Variants in SNX29 observed in about 807,000 individuals in gnomAD.
The protein encoded by SNX29 is sorting nexin 29, also known as sorting nexin-29.
A neutral mutation model predicts 102.1 loss-of-function variants in SNX29; 78 were observed. That is an observed-to-expected ratio of 0.76 (90% CI 0.64 to 0.92). SNX29 has a LOEUF of 0.92. Among genes scored for constraint, SNX29 ranks in the 40% least tolerant of loss-of-function variants. SNX29 has a pLI of 0.00. For synonymous variants in SNX29, 580 were observed against 414.5 expected (o/e 1.40, Z -4.85); for missense variants, 1,280 against 1,061.7 (o/e 1.21, Z -2.86).
At position 12,571,560 on chromosome 16, in the gene SNX29, G is replaced by A. The variant is rs147496154; in HGVS notation, c.*2931G>A. 1,985 of 1,012,652 alleles carry A rather than the reference G, an allele frequency of 2.0e-3. 28 individuals are homozygous for A. In the African/African-American group the frequency reaches 0.03, roughly 15 times the overall value. 62.7% of individuals were successfully genotyped at this position (1,012,652 alleles called of 1,614,324 possible). On this transcript the variant is annotated 3_prime_UTR_variant, in exon 21 of 21. Coordinates refer to ENST00000566228, the MANE Select transcript of SNX29 (RefSeq NM_032167.5). Reference sequence around the variant, plus strand: ...TTTGCTGGGAGGAAGAATCCACACCGAATCCTTCTGTCTTCATGGCCTGCT... The same window carrying A: ...TTTGCTGGGAGGAAGAATCCACACCAAATCCTTCTGTCTTCATGGCCTGCT...
At chr16:12,415,042 C>A (rs1352358208) in intron 18 of SNX29, among the ~76,000 whole-genome samples, 1 of 152,208 alleles carries the variant, frequency 6.6e-6, no homozygotes, top group Non-Finnish European at 1.5e-5. Context: ...TTTAAAGAGA[C>A]TCCTTTGAGA....
intron 13 of SNX29, among the ~76,000 whole-genome samples, chr16:12,186,026 G>A (rs955841218): frequency 2.6e-5 from 4 of 152,176 alleles, no homozygotes; most frequent in African/African-American, 7.2e-5. Flanking sequence ...AGTAATAATA[G>A]TAGGTGGGTC....
rs776489524 is a variant in SNX29, at chr16:12,253,651, AGAG to A, written c.1679-24277_1679-24275del. On this transcript the variant is annotated intron_variant, in intron 14 of 20. Transcript: ENST00000566228. Reference sequence around the variant, plus strand: ...GAACACCAAGGAGGCAGCAAGGCAGAGAGGAGGCGGAGAAGCCACAGAGGCTTC... The same window carrying A: ...GAACACCAAGGAGGCAGCAAGGCAGAGAGGCGGAGAAGCCACAGAGGCTTC... Among the ~76,000 whole-genome samples, 448 of 152,270 alleles carry A rather than the reference AGAG, an allele frequency of 2.9e-3. 3 individuals are homozygous for A. The highest frequency in any genetic ancestry group is 4.3e-3 in the Non-Finnish European group (291 of 68,012).
chr16:12,503,587 C>G (rs968124563), intron 19 of SNX29, among the ~76,000 whole-genome samples: 2 of 152,186 alleles, frequency 1.3e-5, no homozygotes, highest in African/African-American at 4.8e-5. Context: ...AATTTGATTT[C>G]TGTGATTGAA....
intron 16 of SNX29, among the ~76,000 whole-genome samples, chr16:12,373,497 G>C (rs556317359): frequency 3.9e-5 from 6 of 152,274 alleles, no homozygotes; most frequent in Admixed American, 3.9e-4. Flanking sequence ...GTTTTAAACA[G>C]TAAATGCCTC....
chr16:12,088,565 G>A (rs1226790056), intron 11 of SNX29, among the ~76,000 whole-genome samples: 1 of 152,200 alleles, frequency 6.6e-6, no homozygotes, highest in Non-Finnish European at 1.5e-5. Context: ...TGACAGGAGT[G>A]CTTTTCTTTT....
At chr16:12,559,793 C>T (rs7201769) in intron 20 of SNX29, among the ~76,000 whole-genome samples, 29,669 of 152,010 alleles carry the variant, frequency 0.2, 3,074 homozygotes, top group East Asian at 0.43. Context: ...CACCTTCGTC[C>T]TTACTATCTT....
chr16:12,022,671 T>G (rs111878676), intron 3 of SNX29, among the ~76,000 whole-genome samples: 22 of 152,194 alleles, frequency 1.4e-4, no homozygotes, highest in Admixed American at 2.0e-4. Context: ...TGTTTCTATA[T>G]CCAAATGTTC....
At chr16:12,376,153 G>T (rs1163754847) in intron 16 of SNX29, 1 of 152,290 alleles carries the variant, frequency 6.6e-6, no homozygotes, top group Non-Finnish European at 1.5e-5. Flanking sequence ...TACCCAGGAG[G>T]TGAGGACCAG....
At chr16:12,372,085 TG>T (rs1434841565) in intron 16 of SNX29, among the ~76,000 whole-genome samples, 1 of 152,266 alleles carries the variant, frequency 6.6e-6, no homozygotes, top group Non-Finnish European at 1.5e-5. Context: ...GTGAAGCGTT[TG>T]GTATATACCC....
intron 19 of SNX29, among the ~76,000 whole-genome samples, chr16:12,480,611 A>G (rs1284502455): frequency 6.6e-6 from 1 of 152,190 alleles, no homozygotes; most frequent in African/African-American, 2.4e-5. Context: ...TATTGCGCCC[A>G]CCACATGTTA....
At chr16:12,558,619 A>AG in intron 20 of SNX29, among the ~76,000 whole-genome samples, 1 of 152,324 alleles carries the variant, frequency 6.6e-6, no homozygotes, top group Non-Finnish European at 1.5e-5. Context: ...CACACAGTGC[A>AG]GGCCCCGAGC....
At position 12,115,485 on chromosome 16, in the gene SNX29, TTGTGTG is replaced by T. The variant is rs3222983; in HGVS notation, c.1403-11115_1403-11110del. On this transcript the variant is annotated intron_variant, in intron 11 of 20. Transcript: ENST00000566228. Reference sequence around the variant, plus strand: ...TGCCCCTGGGTTGCTCCACCTTGATTTGTGTGTGTGTGTGTGTGTGTGTGTGTGTGT... The same window carrying T: ...TGCCCCTGGGTTGCTCCACCTTGATTTGTGTGTGTGTGTGTGTGTGTGTGT... Among the ~76,000 whole-genome samples, 200 of 141,960 alleles carry T rather than the reference TTGTGTG, an allele frequency of 1.4e-3. 1 individual carries two copies. The highest frequency in any genetic ancestry group is 2.1e-3 in the Non-Finnish European group (137 of 65,354). The allele number at this position is 141,960 out of a possible 152,430, so 93.1% of individuals were successfully genotyped here.
chr16:12,565,842 C>T (rs1046133479), intron 20 of SNX29, among the ~76,000 whole-genome samples: 3 of 152,226 alleles, frequency 2.0e-5, no homozygotes, highest in Non-Finnish European at 2.9e-5. Context: ...ACACCTCTGC[C>T]TCCTCCGGGA....
chr16:12,513,797 G>A (rs1597683566), intron 19 of SNX29, among the ~76,000 whole-genome samples: 1 of 152,250 alleles, frequency 6.6e-6, no homozygotes, highest in East Asian at 1.9e-4. Flanking sequence ...GTCAGCAGCT[G>A]ATAAAAGGAG....
intron 14 of SNX29, among the ~76,000 whole-genome samples, chr16:12,209,392 G>C (rs923334613): frequency 1.3e-5 from 2 of 152,128 alleles, no homozygotes; most frequent in African/African-American, 4.8e-5. Context: ...GTTTTGCCAT[G>C]TTGGCCAGAC....
In SNX29 at chr16:12,048,506, C is replaced by G; in HGVS notation, c.634C>G (p.Gln212Glu). ...GACCTCCTTGCTGAAGGAGTCCACG[C>G]AAGGAGTGAGCAGCCTGTTCAGGGA... ...NVTSLLKEST[Q>E]GVSSLFREIT... The change falls in exon 7 of 21, where the codon CAA (glutamine) becomes GAA (glutamate). Residue 212 changes from glutamine to glutamate, a missense_variant. Coordinates refer to ENST00000566228, the MANE Select transcript of SNX29 (RefSeq NM_032167.5). 1 of 1,613,908 alleles carries G rather than the reference C, an allele frequency of 6.2e-7. No homozygotes were observed. Among genetic ancestry groups the G allele is most frequent in the Non-Finnish European group, 8.5e-7 (1 of 1,179,860 alleles).
intron 13 of SNX29, among the ~76,000 whole-genome samples, chr16:12,198,467 T>A (rs2076833487): frequency 6.6e-6 from 1 of 152,212 alleles, no homozygotes. Context: ...TTTTTATTTT[T>A]ATAATCACAG....
At chr16:12,043,225 C>T (rs972926870) in intron 5 of SNX29, 148 bp downstream of exon 5, 1 of 1,071,920 alleles carries the variant, frequency 9.3e-7, no homozygotes, top group South Asian at 1.5e-5. Flanking sequence ...TTCTGCTGAG[C>T]TGTGGAGAAA....
Sources: gnomAD v4.1 joint callset for allele counts (sites outside exome capture counted in the v4.1 genomes callset) on GRCh38, gnomAD v4.1.1 for gene constraint, MANE v1.5 for transcripts, NCBI Gene and HGNC (gene_info 2026-07-23, HGNC 2026-07-21) for gene names.